PDZD8: variants seen among roughly 807,000 people sequenced by gnomAD.
PDZD8 encodes the protein PDZ domain containing 8, also known as PDZ domain-containing protein 8.
A neutral mutation model predicts 85.8 loss-of-function variants in PDZD8; 14 were observed. That is an observed-to-expected ratio of 0.16 (90% CI 0.11 to 0.26). The LOEUF (loss-of-function observed/expected upper bound fraction) is 0.26, where lower values mean the gene tolerates loss of function less well. Among genes scored for constraint, PDZD8 ranks in the 10% least tolerant of loss-of-function variants. PDZD8 has a pLI of 1.00. For missense variants in PDZD8, 1,197 were observed against 1,424.3 expected (o/e 0.84, Z 2.57); for synonymous variants, 592 against 568.6 (o/e 1.04, Z -0.59).
intron 2 of PDZD8, among the ~76,000 whole-genome samples, chr10:117,329,732 G>A (rs1354973334): frequency 6.6e-6 from 1 of 151,766 alleles, no homozygotes; most frequent in East Asian, 1.9e-4. Context: ...AATACCTTGA[G>A]GCCAGGAATT....
intron 3 of PDZD8, among the ~76,000 whole-genome samples, chr10:117,315,629 G>T (rs935133024): frequency 6.1e-5 from 9 of 146,528 alleles, no homozygotes; most frequent in Non-Finnish European, 1.2e-4. Flanking sequence ...TCTATTTTGT[G>T]TCTGGAACTA....
intron 2 of PDZD8, among the ~76,000 whole-genome samples, chr10:117,331,334 A>G (rs113430819): frequency 1.3e-5 from 2 of 152,218 alleles, no homozygotes; most frequent in African/African-American, 4.8e-5. Context: ...ACAATTACTC[A>G]AGGAAATAGG....
chr10:117,342,393 T>TACACACAC (rs59113065), intron 1 of PDZD8, among the ~76,000 whole-genome samples: 20,809 of 145,514 alleles, frequency 0.14, 1,632 homozygotes, highest in Non-Finnish European at 0.17. Flanking sequence ...CACAAACAGA[T>TACACACAC]ACACACACAC....
intron 1 of PDZD8, among the ~76,000 whole-genome samples, chr10:117,344,753 G>T (rs986016336): frequency 2.0e-5 from 3 of 152,156 alleles, no homozygotes; most frequent in African/African-American, 7.2e-5. Context: ...CATTTGGTGG[G>T]CTTTCTCCCT....
intron 1 of PDZD8, among the ~76,000 whole-genome samples, chr10:117,347,721 A>G (rs1844733530): frequency 1.3e-5 from 2 of 152,198 alleles, no homozygotes; most frequent in Non-Finnish European, 2.9e-5. Context: ...ATAACAGTAG[A>G]TATGAACTGG....
chr10:117,295,960 C>G (rs1030488426), intron 3 of PDZD8, among the ~76,000 whole-genome samples: 2 of 151,644 alleles, frequency 1.3e-5, no homozygotes, highest in Non-Finnish European at 1.5e-5. Context: ...CACTTCAACA[C>G]TGTACTGGAA....
chr10:117,369,463 AT>A (rs1362200548), intron 1 of PDZD8, among the ~76,000 whole-genome samples: 1 of 152,104 alleles, frequency 6.6e-6, no homozygotes, highest in East Asian at 1.9e-4. Flanking sequence ...CTGGCCAACA[AT>A]GTCTTTTAAA....
chr10:117,284,485 C>G lies in PDZD8; in HGVS notation c.2248G>C (p.Glu750Gln). Residue 750 changes from glutamate to glutamine, a missense_variant, in exon 5 of 5, where the codon GAA (glutamate) becomes CAA (glutamine). Around this residue, in one of 4 missense-constraint regions of PDZD8, gnomAD observed 418 missense variants for 571.1 expected, o/e 0.73. Transcript: ENST00000334464. Reference protein sequence around the residue: ...ALGCLATSNTEYLSKLRLEAP... With the variant: ...ALGCLATSNTQYLSKLRLEAP... Reference sequence around the variant, plus strand: ...TCCAGTCTCAATTTGGAAAGGTATTCCGTGTTTGATGTAGCTAGGCATCCT... The same window carrying G: ...TCCAGTCTCAATTTGGAAAGGTATTGCGTGTTTGATGTAGCTAGGCATCCT... 1 of 1,614,094 alleles carries G rather than the reference C, an allele frequency of 6.2e-7. No homozygotes were observed. Among genetic ancestry groups the G allele is most frequent in the Non-Finnish European group, 8.5e-7 (1 of 1,180,028 alleles).
intron 2 of PDZD8, among the ~76,000 whole-genome samples, chr10:117,331,035 C>T (rs1323376619): frequency 6.6e-6 from 1 of 152,184 alleles, no homozygotes; most frequent in Non-Finnish European, 1.5e-5. Flanking sequence ...ATCACTTAAG[C>T]CTCAATTCAA....
At chr10:117,306,651 G>A (rs1843948633) in intron 3 of PDZD8, among the ~76,000 whole-genome samples, 1 of 11,924 alleles carries the variant, frequency 8.4e-5, no homozygotes, top group South Asian at 6.2e-3. Flanking sequence ...GGTACAGATA[G>A]GTTTTGTTTT....
chr10:117,352,133 G>A (rs908995134), intron 1 of PDZD8, among the ~76,000 whole-genome samples: 5 of 152,008 alleles, frequency 3.3e-5, no homozygotes, highest in Non-Finnish European at 7.4e-5. Flanking sequence ...GTCTCTTCAA[G>A]TTTGCCCTAT....
intron 2 of PDZD8, among the ~76,000 whole-genome samples, chr10:117,326,773 T>C (rs747702303): frequency 6.6e-6 from 1 of 152,208 alleles, no homozygotes; most frequent in Non-Finnish European, 1.5e-5. Flanking sequence ...AGCTGGATAA[T>C]AGAATTTCTA....
At chr10:117,305,957 C>T (rs995669846) in intron 3 of PDZD8, among the ~76,000 whole-genome samples, 9 of 152,108 alleles carry the variant, frequency 5.9e-5, no homozygotes, top group African/African-American at 1.2e-4. Context: ...AACCATAAAA[C>T]GGTGACATCT....
chr10:117,284,095 A>AT lies in PDZD8; in HGVS notation c.2637dup (p.Cys880MetfsTer8). 1.2e-6 allele frequency: 2 copies of AT among 1,614,096 alleles called. No individual in the cohort carries two copies. Among genetic ancestry groups the AT allele is most frequent in the Non-Finnish European group, 1.7e-6 (2 of 1,180,026 alleles). ...GTCTCAGCTAGACACTTTTCTTGAC[A>AT]TTTTTTATGGCAAACATAAGCACAA... On this transcript the variant is annotated frameshift_variant, in exon 5 of 5. Coordinates refer to ENST00000334464, the MANE Select transcript of PDZD8 (RefSeq NM_173791.5). LOFTEE classifies it high-confidence loss of function.
intron 3 of PDZD8, among the ~76,000 whole-genome samples, chr10:117,316,113 C>T (rs1844124653): frequency 6.6e-6 from 1 of 152,060 alleles, no homozygotes. Context: ...TTACTTATAC[C>T]TCAGCTATCT....
At chr10:117,316,061 G>A (rs1844123958) in intron 3 of PDZD8, among the ~76,000 whole-genome samples, 1 of 152,076 alleles carries the variant, frequency 6.6e-6, no homozygotes, top group African/African-American at 2.4e-5. Context: ...GTCATCTCTT[G>A]TAAGATGATC....
chr10:117,312,574 C>T (rs185451225), intron 3 of PDZD8, among the ~76,000 whole-genome samples: 37 of 152,206 alleles, frequency 2.4e-4, no homozygotes, highest in Admixed American at 7.9e-4. Context: ...GCTGGATTAT[C>T]GAAGACCTTT....
chr10:117,312,800 T>C (rs945821378), intron 3 of PDZD8, among the ~76,000 whole-genome samples: 1 of 152,220 alleles, frequency 6.6e-6, no homozygotes, highest in African/African-American at 2.4e-5. Context: ...GGCTATCTCA[T>C]TTCCGTGTTA....
chr10:117,317,322 T>C (rs1195471851), intron 3 of PDZD8, among the ~76,000 whole-genome samples: 2 of 152,222 alleles, frequency 1.3e-5, no homozygotes, highest in African/African-American at 4.8e-5. Flanking sequence ...TTACAAATTA[T>C]TGAATCCTAC....
Sources: gnomAD v4.1 joint callset for allele counts (sites outside exome capture counted in the v4.1 genomes callset) on GRCh38, gnomAD v4.1.1 for gene constraint, gnomAD v4.1.1 regional missense constraint, MANE v1.5 for transcripts, NCBI Gene and HGNC (gene_info 2026-07-23, HGNC 2026-07-21) for gene names.